C10orf90: variants seen among roughly 807,000 people sequenced by gnomAD.
The protein encoded by C10orf90 is chromosome 10 open reading frame 90, also known as (E2-independent) E3 ubiquitin-conjugating enzyme FATS.
Under a neutral mutation model 62.5 loss-of-function variants are expected in C10orf90, and 56 were observed. The ratio of observed to expected loss-of-function variants is 0.90; its 90% CI spans 0.72 to 1.12. C10orf90 has a LOEUF of 1.12. C10orf90 is among the 50% of genes most tolerant of loss of function. The pLI, the probability that C10orf90 is intolerant of heterozygous loss-of-function variation, is 0.00. For synonymous variants in C10orf90, 386 were observed against 340.4 expected (o/e 1.13, Z -1.47); for missense variants, 970 against 880.4 (o/e 1.10, Z -1.29).
intron 1 of C10orf90, among the ~76,000 whole-genome samples, chr10:126,649,770 T>C (rs867464811): frequency 7.9e-5 from 12 of 152,194 alleles, no homozygotes; most frequent in Non-Finnish European, 1.3e-4. Flanking sequence ...CACTTGCTAA[T>C]GGATTCCTCC....
intron 8 of C10orf90, 45 bp from the exon 9 acceptor site, chr10:126,426,135 T>C: frequency 6.8e-7 from 1 of 1,476,738 alleles, no homozygotes; most frequent in South Asian, 1.1e-5. Flanking sequence ...CTTGACAGCG[T>C]GCTCCCGCTG....
rs146823786 is a variant in C10orf90, at chr10:126,513,504, C to A, written c.405+344G>T. 8.0e-4 allele frequency among the ~76,000 whole-genome samples: 122 copies of A among 152,276 alleles called. No individual in the cohort carries two copies. In the Middle Eastern group the frequency reaches 0.014, roughly 17 times the overall value. ...CAGACCACTGACACTTTTTGCAGTT[C>A]TAACAACCTATACCAGCTTGTTAGA... On this transcript the variant is annotated intron_variant, in intron 3 of 9. Coordinates refer to ENST00000488181, the MANE Select transcript of C10orf90 (RefSeq NM_001350921.2).
At chr10:126,493,420 G>T (rs1861869425) in intron 4 of C10orf90, among the ~76,000 whole-genome samples, 3 of 151,514 alleles carry the variant, frequency 2.0e-5, no homozygotes, top group Middle Eastern at 3.4e-3. Flanking sequence ...GAGTGCAGTG[G>T]CATGACCTCA....
At chr10:126,546,761 G>A (rs1263238253) in intron 2 of C10orf90, among the ~76,000 whole-genome samples, 1 of 152,212 alleles carries the variant, frequency 6.6e-6, no homozygotes, top group Non-Finnish European at 1.5e-5. Flanking sequence ...GTCAGAAAAA[G>A]CCAATTAAAA....
At chr10:126,606,187 C>T (rs1457170396) in intron 2 of C10orf90, among the ~76,000 whole-genome samples, 1 of 152,182 alleles carries the variant, frequency 6.6e-6, no homozygotes, top group African/African-American at 2.4e-5. Context: ...ACAATACCCT[C>T]AGGAATTGTA....
rs372224639 is a variant in C10orf90, at chr10:126,578,889, G to T, written c.314-64950C>A. On this transcript the variant is annotated intron_variant, in intron 2 of 9. Coordinates refer to ENST00000488181, the MANE Select transcript of C10orf90 (RefSeq NM_001350921.2). ...AATGCAAAAATAGGCCAACGATCTG[G>T]CCACTATGCCAATCCCAGAAGGGAG... Among the ~76,000 whole-genome samples, 291 of 152,196 alleles carry T rather than the reference G, an allele frequency of 1.9e-3. 4 individuals are homozygous for T. In the South Asian group the frequency reaches 0.022, roughly 12 times the overall value.
chr10:126,598,590 G>A (rs1845132724), intron 2 of C10orf90, among the ~76,000 whole-genome samples: 1 of 151,966 alleles, frequency 6.6e-6, no homozygotes, highest in Non-Finnish European at 1.5e-5. Flanking sequence ...ACACATTTTC[G>A]GTGTCTTCCT....
intron 7 of C10orf90, among the ~76,000 whole-genome samples, chr10:126,442,485 A>ATATATATATATATATATC (rs1462203967): frequency 2.6e-5 from 2 of 76,522 alleles, no homozygotes; most frequent in African/African-American, 9.5e-5. Flanking sequence ...TTTCATATAT[A>ATATATATATATATATATC]TATATATATA....
At chr10:126,589,164 A>G (rs1360392022) in intron 2 of C10orf90, among the ~76,000 whole-genome samples, 2 of 152,222 alleles carry the variant, frequency 1.3e-5, no homozygotes, top group Non-Finnish European at 2.9e-5. Context: ...GAGAAAAAAT[A>G]ATGAAAAGGA....
At chr10:126,608,868 T>C (rs759282066) in intron 2 of C10orf90, among the ~76,000 whole-genome samples, 9 of 152,222 alleles carry the variant, frequency 5.9e-5, no homozygotes, top group Non-Finnish European at 1.3e-4. Context: ...ATACTTCGAT[T>C]TTTCCCCAGT....
intron 2 of C10orf90, among the ~76,000 whole-genome samples, chr10:126,638,987 T>C (rs1164830295): frequency 1.3e-5 from 2 of 152,246 alleles, no homozygotes; most frequent in African/African-American, 4.8e-5. Context: ...CAGCCTTTTA[T>C]GGAATAACTT....
intron 7 of C10orf90, among the ~76,000 whole-genome samples, chr10:126,448,257 C>T (rs569705361): frequency 1.3e-5 from 2 of 151,872 alleles, no homozygotes; most frequent in African/African-American, 4.8e-5. Flanking sequence ...GTGAAAATTA[C>T]ACAACATGCT....
chr10:126,554,828 G>A (rs182004281), intron 2 of C10orf90, among the ~76,000 whole-genome samples: 1 of 152,322 alleles, frequency 6.6e-6, no homozygotes, highest in African/African-American at 2.4e-5. Context: ...GGGCAAGATA[G>A]CAAAATGTAT....
intron 2 of C10orf90, among the ~76,000 whole-genome samples, chr10:126,542,012 T>C (rs1471662401): frequency 6.6e-6 from 1 of 152,190 alleles, no homozygotes; most frequent in Non-Finnish European, 1.5e-5. Flanking sequence ...CCGTGACACA[T>C]GCTATTACAT....
chr10:126,554,436 C>A (rs897432647), intron 2 of C10orf90, among the ~76,000 whole-genome samples: 3 of 152,046 alleles, frequency 2.0e-5, no homozygotes, highest in Admixed American at 6.6e-5. Context: ...AATTACTGGA[C>A]ATACTCTATT....
intron 4 of C10orf90, among the ~76,000 whole-genome samples, chr10:126,465,425 T>C (rs1410098876): frequency 1.3e-5 from 2 of 150,726 alleles, no homozygotes; most frequent in Admixed American, 6.6e-5. Context: ...ATTTATATGA[T>C]TATATTGTAT....
intron 2 of C10orf90, among the ~76,000 whole-genome samples, chr10:126,531,978 A>G (rs868794228): frequency 1.3e-5 from 2 of 152,234 alleles, no homozygotes; most frequent in Non-Finnish European, 2.9e-5. Context: ...CGAATATTTA[A>G]CTACCCTAAC....
At chr10:126,646,699 T>G (rs1591171967) in intron 1 of C10orf90, 62 bp from the exon 2 acceptor site, 1 of 376,976 alleles carries the variant, frequency 2.7e-6, no homozygotes, top group East Asian at 8.3e-5. Flanking sequence ...ATATAATCTT[T>G]AATAATGTAC....
intron 1 of C10orf90, among the ~76,000 whole-genome samples, chr10:126,664,700 C>T (rs1846590120): frequency 6.6e-6 from 1 of 152,172 alleles, no homozygotes; most frequent in South Asian, 2.1e-4. Context: ...CCTTATAAGC[C>T]TTAGCTGCCA....
Sources: gnomAD v4.1 joint callset for allele counts (sites outside exome capture counted in the v4.1 genomes callset) on GRCh38, gnomAD v4.1.1 for gene constraint, MANE v1.5 for transcripts, NCBI Gene and HGNC (gene_info 2026-07-23, HGNC 2026-07-21) for gene names.